Variants in TSHZ2 observed in about 807,000 individuals in gnomAD.
TSHZ2 encodes teashirt homolog 2.
TSHZ2 carries 21 observed loss-of-function variants against 74.4 expected under a neutral mutation model. The ratio of observed to expected loss-of-function variants is 0.28; its 90% confidence interval spans 0.20 to 0.41. The LOEUF (loss-of-function observed/expected upper bound fraction) is 0.41, where lower values mean the gene tolerates loss of function less well. TSHZ2 is among the 10% of genes least tolerant of loss of function. The probability of loss-of-function intolerance (pLI) is 1.00; values close to 1 mark genes in which losing one functional copy is unlikely to be tolerated. For synonymous variants in TSHZ2, 540 were observed against 515.3 expected (o/e 1.05, Z -0.65); for missense variants, 1,244 against 1,293.5 (o/e 0.96, Z 0.59).
chr20:52,981,620 T>A (rs887516233), intron 1 of TSHZ2, among the ~76,000 whole-genome samples: 4 of 152,124 alleles, frequency 2.6e-5, no homozygotes, highest in Admixed American at 2.6e-4. Context: ...CAGATATGGA[T>A]GGATTTTGAT....
In TSHZ2 at chr20:53,307,123, A is replaced by G. The variant is rs1236759496; in HGVS notation, c.*8+50552A>G. Among the ~76,000 whole-genome samples, 13 of 152,310 alleles carry G rather than the reference A, an allele frequency of 8.5e-5. No homozygotes were observed. In the East Asian group the frequency reaches 1.5e-3, roughly 18 times the overall value. The stretch of plus-strand genomic sequence containing the variant: ...ACAAAGTGAGGCTGAGTGCGGGTAA[A>G]TGACCAATCCAGGGTCACAGAATCG... On this transcript the variant is annotated intron_variant, in intron 2 of 2. Transcript: ENST00000371497.
chr20:53,428,812 G>A (rs1386063864), intron 2 of TSHZ2, among the ~76,000 whole-genome samples: 1 of 152,150 alleles, frequency 6.6e-6, no homozygotes, highest in African/African-American at 2.4e-5. Context: ...TCATAAAAAT[G>A]TCATGCATGT....
chr20:53,322,980 A>T (rs1242337330), intron 2 of TSHZ2, among the ~76,000 whole-genome samples: 1 of 152,206 alleles, frequency 6.6e-6, no homozygotes, highest in African/African-American at 2.4e-5. Flanking sequence ...GGGTTGTAGA[A>T]GAAGGTAACC....
intron 2 of TSHZ2, among the ~76,000 whole-genome samples, chr20:53,464,367 G>T (rs1329971095): frequency 6.6e-6 from 1 of 152,206 alleles, no homozygotes; most frequent in African/African-American, 2.4e-5. Context: ...TAAACCAGGG[G>T]ATGAATGTGG....
chr20:53,208,833 T>C (rs1989235131), intron 1 of TSHZ2: 1 of 152,252 alleles, frequency 6.6e-6, no homozygotes, highest in African/African-American at 2.4e-5. Context: ...TATTTCCTTA[T>C]GCCAGAAACA....
intron 1 of TSHZ2, among the ~76,000 whole-genome samples, chr20:53,058,104 A>G (rs1361724118): frequency 6.6e-6 from 1 of 152,176 alleles, no homozygotes; most frequent in Non-Finnish European, 1.5e-5. Context: ...CGTGCAGTTC[A>G]CAATAGGGTT....
intron 1 of TSHZ2, among the ~76,000 whole-genome samples, chr20:53,158,436 G>A (rs73270633): frequency 0.015 from 2,293 of 152,240 alleles, 58 homozygotes; most frequent in African/African-American, 0.052. Flanking sequence ...TGTGGCAGTC[G>A]GTAGTGGCTG....
In TSHZ2 at chr20:53,473,485, T is replaced by C. The variant is rs956962933; in HGVS notation, c.*9-13659T>C. ...GGAAAACTAACAAACAGAATGGACA[T>C]CCACACCAAAAACCCATCTGTACAT... On this transcript the variant is annotated intron_variant, in intron 2 of 2. Transcript: ENST00000371497. 5.8e-5 allele frequency among the ~76,000 whole-genome samples: 8 copies of C among 138,722 alleles called. 1 individual carries two copies. Among genetic ancestry groups the C allele is most frequent in the African/African-American group, 2.3e-4 (8 of 35,338 alleles). The allele number at this position is 138,722 out of a possible 152,430, so 91.0% of individuals were successfully genotyped here. A position where few individuals can be genotyped will look rare whatever the true frequency, so the allele number is the denominator to read the frequency against.
At chr20:53,374,030 T>C (rs1981571600) in intron 2 of TSHZ2, among the ~76,000 whole-genome samples, 1 of 152,198 alleles carries the variant, frequency 6.6e-6, no homozygotes, top group African/African-American at 2.4e-5. Flanking sequence ...TGCAAATTTG[T>C]TGGTTTGTTA....
chr20:53,182,284 G>A (rs544611363), intron 1 of TSHZ2, among the ~76,000 whole-genome samples: 14 of 124,426 alleles, frequency 1.1e-4, no homozygotes, highest in East Asian at 9.4e-4. Flanking sequence ...TCCCTCCTCC[G>A]TCCCTGCCTC....
chr20:53,348,433 G>A (rs1980522590), intron 2 of TSHZ2, among the ~76,000 whole-genome samples: 1 of 151,940 alleles, frequency 6.6e-6, no homozygotes. Context: ...TAAATGAAAG[G>A]CATATAAAAG....
At chr20:53,010,431 G>A (rs1982807791) in intron 1 of TSHZ2, among the ~76,000 whole-genome samples, 1 of 152,094 alleles carries the variant, frequency 6.6e-6, no homozygotes, top group Non-Finnish European at 1.5e-5. Context: ...CATGGCACTA[G>A]TAACTCAGAG....
chr20:53,020,072 C>T (rs1045804851), intron 1 of TSHZ2, among the ~76,000 whole-genome samples: 2 of 152,084 alleles, frequency 1.3e-5, no homozygotes, highest in African/African-American at 4.8e-5. Flanking sequence ...CTTTTAAAAC[C>T]GTGAGAGCTC....
At chr20:53,065,270 G>A (rs537928221) in intron 1 of TSHZ2, among the ~76,000 whole-genome samples, 6 of 152,262 alleles carry the variant, frequency 3.9e-5, no homozygotes, top group African/African-American at 1.2e-4. Context: ...TATTGTTGTC[G>A]TGGTTGAGAT....
chr20:53,469,548 AGAAGGAGGGAAGGAAG>A (rs1985691266), intron 2 of TSHZ2, among the ~76,000 whole-genome samples: 1 of 125,208 alleles, frequency 8.0e-6, no homozygotes, highest in Non-Finnish European at 1.6e-5. Flanking sequence ...AAGAAAAGAA[AGAAGGAGGGAAGGAAG>A]GAAGGAAGGA....
At chr20:53,187,701 T>C (rs1988633513) in intron 1 of TSHZ2, among the ~76,000 whole-genome samples, 1 of 151,950 alleles carries the variant, frequency 6.6e-6, no homozygotes, top group Non-Finnish European at 1.5e-5. Context: ...GTGCTGTTTT[T>C]TTTTAAGGTG....
intron 2 of TSHZ2, among the ~76,000 whole-genome samples, chr20:53,472,938 G>A (rs1027064117): frequency 5.3e-5 from 8 of 152,134 alleles, no homozygotes; most frequent in African/African-American, 9.7e-5. Flanking sequence ...CGAATACTGC[G>A]CTTTTCCGAC....
intron 1 of TSHZ2, among the ~76,000 whole-genome samples, chr20:53,092,988 C>T (rs1170189918): frequency 1.3e-5 from 2 of 152,092 alleles, no homozygotes; most frequent in Non-Finnish European, 2.9e-5. Flanking sequence ...AGCGGTGAGC[C>T]GGATATGGCC....
chr20:53,060,465 C>T (rs549972894), intron 1 of TSHZ2, among the ~76,000 whole-genome samples: 2 of 152,288 alleles, frequency 1.3e-5, no homozygotes, highest in Admixed American at 6.5e-5. Context: ...TGAGTCTTCC[C>T]AATTTCCCTG....
Sources: gnomAD v4.1 joint callset for allele counts (sites outside exome capture counted in the v4.1 genomes callset) on GRCh38, gnomAD v4.1.1 for gene constraint, MANE v1.5 for transcripts, NCBI Gene and HGNC (gene_info 2026-07-23, HGNC 2026-07-21) for gene names.